The following NFIX variants were observed in gnomAD, a reference collection of about 807,000 sequenced individuals.
The protein encoded by NFIX is nuclear factor I X.
A neutral mutation model predicts 53.3 loss-of-function variants in NFIX; 2 were observed. That is an observed-to-expected ratio of 0.04 (90% CI 0.02 to 0.12). The LOEUF (loss-of-function observed/expected upper bound fraction) is 0.12. Among genes scored for constraint, NFIX ranks in the 10% least tolerant of loss-of-function variants. NFIX has a pLI of 1.00. For synonymous variants in NFIX, 244 were observed against 289.0 expected (o/e 0.84, Z 1.58); for missense variants, 310 against 674.5 (o/e 0.46, Z 5.99).
chr19:13,020,026 C>T (rs538256644), intron 1 of NFIX, among the ~76,000 whole-genome samples: 28 of 152,058 alleles, frequency 1.8e-4, no homozygotes, highest in African/African-American at 6.8e-4. Flanking sequence ...TGCATGTCCC[C>T]TTGCTCTTTC....
rs1052871926 is a variant in NFIX at position 13,067,478 on chromosome 19, G to A, written c.560-5569G>A. ...TGTGTGCGCGCGTGTGTGTGTGTGTGTGTGCGTGTGTGTGTGTGTGTGTGT... is the reference window on the plus strand; with the variant it reads ...TGTGTGCGCGCGTGTGTGTGTGTGTATGTGCGTGTGTGTGTGTGTGTGTGT... On this transcript the variant is annotated intron_variant, in intron 2 of 10. Coordinates refer to ENST00000592199, the MANE Select transcript of NFIX (RefSeq NM_001365902.3). This position sits in a 1 kb window ranked among gnomAD's most constrained non-coding sequence, Gnocchi z 4.2. 1.1e-5 allele frequency among the ~76,000 whole-genome samples: 1 copy of A among 92,258 alleles called. No homozygotes were observed. Among genetic ancestry groups the A allele is most frequent in the African/African-American group, 6.5e-5 (1 of 15,406 alleles). 60.5% of individuals were successfully genotyped at this position (92,258 alleles called of 152,430 possible).
Position 13,019,896 on chromosome 19 carries a change from T to A in NFIX, c.28-5125T>A, listed in dbSNP as rs184421800. Among the ~76,000 whole-genome samples, 43 of 152,162 alleles carry A rather than the reference T, an allele frequency of 2.8e-4. No homozygotes were observed. In the East Asian group the frequency reaches 5.6e-3, roughly 20 times the overall value. ...TTTTCTCTCCAATGGGGGAAATACCTTTCCCCCACAATGTTTCCTGCTTTT... is the reference window on the plus strand; with the variant it reads ...TTTTCTCTCCAATGGGGGAAATACCATTCCCCCACAATGTTTCCTGCTTTT... On this transcript the variant is annotated intron_variant, in intron 1 of 10. Coordinates refer to ENST00000592199, the MANE Select transcript of NFIX (RefSeq NM_001365902.3).
intron 2 of NFIX, among the ~76,000 whole-genome samples, chr19:13,059,073 C>T (rs1953310825): frequency 6.6e-6 from 1 of 152,214 alleles, no homozygotes; most frequent in Non-Finnish European, 1.5e-5. Flanking sequence ...TGCACACAAG[C>T]GCATAGATCC....
chr19:13,048,808 C>T (rs1227118484), intron 2 of NFIX, among the ~76,000 whole-genome samples: 1 of 152,226 alleles, frequency 6.6e-6, no homozygotes, highest in Non-Finnish European at 1.5e-5. Context: ...CATGGTGGCT[C>T]ATGCCTATAA....
chr19:13,005,991 G>T lies in NFIX; in HGVS notation c.27+10127G>T, dbSNP rs554931011. ...CAGCCGGGAGCCTGTGCATTCCTTC[G>T]ACAAATATTTACCAAGCACCTCCTG... is the stretch of plus-strand genomic sequence containing the variant. On this transcript the variant is annotated intron_variant, in intron 1 of 10. Transcript: ENST00000592199. The surrounding 1 kb of genome is among the most constrained non-coding windows in gnomAD (Gnocchi z 4.7). 1.1e-4 allele frequency among the ~76,000 whole-genome samples: 16 copies of T among 152,296 alleles called. No homozygotes were observed. The highest frequency in any genetic ancestry group is 3.9e-4 in the African/African-American group (16 of 41,550).
intron 5 of NFIX, among the ~76,000 whole-genome samples, chr19:13,075,199 C>T (rs1211659297): frequency 1.3e-5 from 2 of 152,100 alleles, no homozygotes; most frequent in Non-Finnish European, 2.9e-5. Flanking sequence ...ATTCACCTCA[C>T]CCTAGCCCTG....
intron 2 of NFIX, among the ~76,000 whole-genome samples, chr19:13,035,892 G>C (rs529718168): frequency 6.6e-6 from 1 of 152,168 alleles, no homozygotes; most frequent in African/African-American, 2.4e-5. Flanking sequence ...ACCCTTGCCC[G>C]CATCATCCCA....
At position 13,073,278 on chromosome 19, in the gene NFIX, C is replaced by G. The variant is rs575795260; in HGVS notation, c.623-144C>G. The G allele has an allele frequency of 4.4e-6, 4 of 914,512 alleles. No homozygotes were observed. The highest frequency in any genetic ancestry group is 3.3e-5 in the African/African-American group (2 of 61,432). 56.6% of individuals were successfully genotyped at this position (914,512 alleles called of 1,614,324 possible). The stretch of plus-strand genomic sequence containing the variant: ...ATGGGGGCACACCTAGAGGATCCCC[C>G]CTGTTCGGTGTAGACCTGAGGGCTA... On this transcript the variant is annotated intron_variant, in intron 3 of 10. Transcript: ENST00000592199. This position sits in a 1 kb window ranked among gnomAD's most constrained non-coding sequence, Gnocchi z 4.5.
chr19:13,024,804 A>G, intron 1 of NFIX: 1 of 1,424,198 alleles, frequency 7.0e-7, no homozygotes, highest in Non-Finnish European at 9.6e-7. Flanking sequence ...CTGAGATGGG[A>G]GCAAGTGGCT....
chr19:13,087,845 C>A, intron 8 of NFIX, 144 bp from the exon 9 acceptor site: 2 of 709,408 alleles, frequency 2.8e-6, no homozygotes, highest in Non-Finnish European at 4.5e-6. Context: ...CCTCACCCAT[C>A]CTGTGCCCTG....
chr19:13,055,477 C>T (rs1052929410), intron 2 of NFIX, among the ~76,000 whole-genome samples: 4 of 152,180 alleles, frequency 2.6e-5, no homozygotes, highest in African/African-American at 9.6e-5. Context: ...GTGCGAGGGC[C>T]GGCCGCACTC....
chr19:13,025,254 C>T lies in NFIX; in HGVS notation c.261C>T (p.Phe87=). ...TGCGCAAGGACATCCGGCCCGAGTT[C>T]CGCGAGGACTTCGTGCTGACCATCA... ...AKLRKDIRPE[F]REDFVLTITG... The change falls in exon 2 of 11, where the codon TTC becomes TTT. Residue 87 remains phenylalanine (F), a synonymous_variant. Coordinates refer to ENST00000592199, the MANE Select transcript of NFIX (RefSeq NM_001365902.3). This position sits in a 1 kb window ranked among gnomAD's most constrained non-coding sequence, Gnocchi z 7.5. 1 of 1,614,112 alleles carries T rather than the reference C, an allele frequency of 6.2e-7. No homozygotes were observed. The highest frequency in any genetic ancestry group is 1.1e-5 in the South Asian group (1 of 91,086).
intron 2 of NFIX, among the ~76,000 whole-genome samples, chr19:13,042,442 C>A (rs944365174): frequency 7.3e-6 from 1 of 137,930 alleles, no homozygotes; most frequent in Non-Finnish European, 1.5e-5. Flanking sequence ...GCAACCTCTA[C>A]CTCCAGGGTT....
At chr19:12,997,603 TG>T (rs2011516633) in intron 1 of NFIX, among the ~76,000 whole-genome samples, 1 of 152,196 alleles carries the variant, frequency 6.6e-6, no homozygotes, top group African/African-American at 2.4e-5. Context: ...TACACTTGGC[TG>T]GGCTGTGTGG....
chr19:13,072,521 G>C lies in NFIX; in HGVS notation c.560-526G>C, dbSNP rs1269905973. Among the ~76,000 whole-genome samples the C allele has an allele frequency of 1.3e-5, 2 of 152,230 alleles. No individual in the cohort carries two copies. Among genetic ancestry groups the C allele is most frequent in the Non-Finnish European group, 2.9e-5 (2 of 68,034 alleles). ...AATTAACCAAGTTAGGGAAGGGGAT[G>C]CTCCTCTGGGAGCTGGAGCTGGGTG... On this transcript the variant is annotated intron_variant, in intron 2 of 10. Coordinates refer to ENST00000592199, the MANE Select transcript of NFIX (RefSeq NM_001365902.3). The surrounding 1 kb of genome is among the most constrained non-coding windows in gnomAD (Gnocchi z 4.0).
chr19:13,000,786 A>G (rs1289544207), intron 1 of NFIX, among the ~76,000 whole-genome samples: 2 of 152,230 alleles, frequency 1.3e-5, no homozygotes. Flanking sequence ...CCATGGAGAC[A>G]GGACATATGT....
intron 2 of NFIX, among the ~76,000 whole-genome samples, chr19:13,053,538 C>T (rs1415156737): frequency 6.6e-6 from 1 of 152,054 alleles, no homozygotes; most frequent in Non-Finnish European, 1.5e-5. Context: ...TCAGACAGTC[C>T]ACCTGGAAGG....
chr19:13,031,970 C>G (rs746993337), intron 2 of NFIX, among the ~76,000 whole-genome samples: 23 of 147,888 alleles, frequency 1.6e-4, no homozygotes, highest in Non-Finnish European at 2.5e-4. Flanking sequence ...TCCGTCCCAT[C>G]CCTCCACCCC....
rs1049250605 is a variant in NFIX, at chr19:12,998,151, C to T, written c.27+2287C>T. ...TGTCTTTTTCTCGGTCTGTTTTTAT[C>T]GGTCTCTGGTGTATTCTGCCCTTTT... is the stretch of plus-strand genomic sequence containing the variant. On this transcript the variant is annotated intron_variant, in intron 1 of 10. Transcript: ENST00000592199. The surrounding 1 kb of genome is among the most constrained non-coding windows in gnomAD (Gnocchi z 4.4). Among the ~76,000 whole-genome samples, 6 of 152,136 alleles carry T rather than the reference C, an allele frequency of 3.9e-5. No homozygotes were observed. The highest frequency in any genetic ancestry group is 2.1e-4 in the South Asian group (1 of 4,818).
Sources: gnomAD v4.1 joint callset for allele counts (sites outside exome capture counted in the v4.1 genomes callset) on GRCh38, gnomAD v4.1.1 for gene constraint, Gnocchi (gnomAD v3.1) non-coding constraint, MANE v1.5 for transcripts, NCBI Gene and HGNC (gene_info 2026-07-23, HGNC 2026-07-21) for gene names.